Variants in MYO16 observed in about 807,000 individuals in gnomAD.
MYO16 encodes the protein unconventional myosin-XVI.
In MYO16, 94 loss-of-function variants were observed where a neutral mutation model predicts 205.3. The ratio of observed to expected loss-of-function variants is 0.46; its 90% CI spans 0.39 to 0.54. MYO16 has a LOEUF of 0.54. MYO16 is among the 20% of genes least tolerant of loss of function. The pLI is 0.00. For missense variants in MYO16, 2,315 were observed against 2,387.5 expected (o/e 0.97, Z 0.63); for synonymous variants, 988 against 954.0 (o/e 1.04, Z -0.66).
At chr13:108,714,169 C>A (rs1308722008) in intron 3 of MYO16, among the ~76,000 whole-genome samples, 1 of 152,148 alleles carries the variant, frequency 6.6e-6, no homozygotes, top group Non-Finnish European at 1.5e-5. Context: ...CATTCTCCTG[C>A]CTCAGCCGCC....
intron 28 of MYO16, among the ~76,000 whole-genome samples, chr13:109,116,423 T>C (rs1305317110): frequency 1.3e-5 from 2 of 152,146 alleles, no homozygotes; most frequent in African/African-American, 4.8e-5. Context: ...CTCTCATTTG[T>C]GCTTCGATTG....
intron 1 of MYO16, among the ~76,000 whole-genome samples, chr13:108,605,616 T>C (rs972078032): frequency 3.3e-5 from 5 of 152,202 alleles, no homozygotes; most frequent in African/African-American, 1.2e-4. Context: ...AAGAAGGACT[T>C]GTTTGCTTCC....
intron 6 of MYO16, among the ~76,000 whole-genome samples, chr13:108,795,600 T>C (rs1886767334): frequency 6.6e-6 from 1 of 152,222 alleles, no homozygotes; most frequent in African/African-American, 2.4e-5. Flanking sequence ...TATAACAACG[T>C]AACTCTGTCA....
the MYO16 span, among the ~76,000 whole-genome samples, chr13:108,502,022 G>T: frequency 6.6e-6 from 1 of 152,084 alleles, no homozygotes; most frequent in African/African-American, 2.4e-5. Context: ...GACCATCCTG[G>T]CTAACCCGGT....
intron 1 of MYO16, among the ~76,000 whole-genome samples, chr13:108,636,369 T>TTTTTG (rs1555333960): frequency 1.9e-5 from 1 of 51,318 alleles, no homozygotes. Flanking sequence ...TTTTTTTTTT[T>TTTTTG]TGTGTGTGTG....
chr13:109,168,543 G>C (rs1056168496), intron 33 of MYO16, among the ~76,000 whole-genome samples: 4 of 152,130 alleles, frequency 2.6e-5, no homozygotes, highest in Admixed American at 6.5e-5. Context: ...GGCCAACATG[G>C]TGAAACCCCC....
At position 108,823,177 on chromosome 13, in the gene MYO16, C is replaced by T. The variant is rs764177940; in HGVS notation, c.996C>T (p.Ala332=). 9.3e-6 allele frequency: 15 copies of T among 1,612,722 alleles called. No individual in the cohort carries two copies. The East Asian group carries it at 3.3e-4, about 36-fold the overall frequency. ...IEEMLLKAEI[A]WEEKMKEPLS... ...AAATGCTGCTGAAAGCCGAAATTGC[C>T]TGGGAAGAAAAAATGAAAGAGCCTT... The change falls in exon 9 of 35, where the codon GCC becomes GCT. Residue 332 remains alanine (A), a synonymous_variant. Coordinates refer to ENST00000457511, the MANE Select transcript of MYO16 (RefSeq NM_001198950.3).
intron 7 of MYO16, among the ~76,000 whole-genome samples, chr13:108,816,469 G>C (rs1594316473): frequency 6.6e-6 from 1 of 152,052 alleles, no homozygotes; most frequent in East Asian, 1.9e-4. Context: ...TCTCTGTAAG[G>C]TCTGTGCAGC....
intron 15 of MYO16, among the ~76,000 whole-genome samples, chr13:108,905,554 G>T (rs780315573): frequency 6.6e-5 from 10 of 152,118 alleles, no homozygotes; most frequent in Non-Finnish European, 1.2e-4. Flanking sequence ...GTAAATCTTA[G>T]CTATTGACCA....
At chr13:108,692,130 A>G (rs1225792079) in intron 2 of MYO16, among the ~76,000 whole-genome samples, 2 of 152,258 alleles carry the variant, frequency 1.3e-5, no homozygotes, top group African/African-American at 4.8e-5. Flanking sequence ...AGAAAAAGAC[A>G]TCATGAATCA....
At chr13:109,194,110 T>G (rs775380600) in intron 34 of MYO16, among the ~76,000 whole-genome samples, 1 of 152,180 alleles carries the variant, frequency 6.6e-6, no homozygotes, top group Non-Finnish European at 1.5e-5. Context: ...TGTCTAAGCA[T>G]CTTTATTCAT....
intron 32 of MYO16, among the ~76,000 whole-genome samples, chr13:109,156,559 C>T (rs1878049283): frequency 6.6e-6 from 1 of 152,208 alleles, no homozygotes; most frequent in South Asian, 2.1e-4. Context: ...GATCCCATCT[C>T]ATAGGATTCT....
intron 20 of MYO16, among the ~76,000 whole-genome samples, chr13:108,972,382 A>AC (rs1429723478): frequency 6.8e-5 from 4 of 58,858 alleles, no homozygotes; most frequent in African/African-American, 3.7e-4. Flanking sequence ...ATATATATAT[A>AC]TATATATATA....
At chr13:108,920,621 G>C (rs1042491886) in intron 16 of MYO16, among the ~76,000 whole-genome samples, 1 of 152,052 alleles carries the variant, frequency 6.6e-6, no homozygotes, top group Non-Finnish European at 1.5e-5. Context: ...ACCACGCCCG[G>C]CTAATTTTTG....
intron 2 of MYO16, among the ~76,000 whole-genome samples, chr13:108,684,387 G>T (rs190491388): frequency 6.6e-4 from 101 of 152,272 alleles, no homozygotes; most frequent in African/African-American, 2.1e-3. Context: ...AGATCTGTGA[G>T]GGCAACACCA....
chr13:108,518,724 T>A, the MYO16 span, among the ~76,000 whole-genome samples: 8 of 152,120 alleles, frequency 5.3e-5, no homozygotes, highest in African/African-American at 1.9e-4. Flanking sequence ...GACAGATATT[T>A]AAAAAAAATG....
chr13:108,704,928 G>A, intron 2 of MYO16, among the ~76,000 whole-genome samples: 1 of 134,648 alleles, frequency 7.4e-6, no homozygotes, highest in East Asian at 2.0e-4. Context: ...AAAAACCTTA[G>A]CTAAACTGAC....
chr13:109,099,403 A>C lies in MYO16; in HGVS notation c.3336-1382A>C, dbSNP rs2139708216. Among the ~76,000 whole-genome samples the C allele has an allele frequency of 1.3e-5, 2 of 152,356 alleles. 1 individual carries two copies. The highest frequency in any genetic ancestry group is 4.1e-4 in the South Asian group (2 of 4,830). ...CACATTTATTTAAGAATGTATTCCAATATCAAACGGCAAATTTCAACAATG... is the reference window on the plus strand; with the variant it reads ...CACATTTATTTAAGAATGTATTCCACTATCAAACGGCAAATTTCAACAATG... On this transcript the variant is annotated intron_variant, in intron 27 of 34. Transcript: ENST00000457511.
At chr13:108,545,077 G>A in the MYO16 span, among the ~76,000 whole-genome samples, 5 of 151,908 alleles carry the variant, frequency 3.3e-5, no homozygotes, top group Admixed American at 6.6e-5. Context: ...TGTCACAAGG[G>A]TTTGGTGTGC....
Sources: gnomAD v4.1 joint callset for allele counts (sites outside exome capture counted in the v4.1 genomes callset) on GRCh38, gnomAD v4.1.1 for gene constraint, MANE v1.5 for transcripts, NCBI Gene and HGNC (gene_info 2026-07-23, HGNC 2026-07-21) for gene names.